Variants in RP1 observed in about 807,000 individuals in gnomAD.
RP1 encodes oxygen-regulated protein 1.
A neutral mutation model predicts 14.8 loss-of-function variants in RP1; 16 were observed. The ratio of observed to expected loss-of-function variants is 1.08; its 90% CI spans 0.73 to 1.65. The LOEUF is 1.65. Ranked by LOEUF, RP1 falls within the 40% of genes most tolerant of loss-of-function variation. The pLI is 0.00. For missense variants in RP1, 2,631 were observed against 2,535.0 expected, an observed-to-expected ratio of 1.04 and a Z score of -0.81; for synonymous variants, 876 against 883.6, an observed-to-expected ratio of 0.99 and a Z score of 0.15.
chr8:54,796,358 C>A (rs1278261736), intron 24 of RP1, among the ~76,000 whole-genome samples: 2 of 152,092 alleles, frequency 1.3e-5, no homozygotes, highest in African/African-American at 4.8e-5. Flanking sequence ...AGCAAAGAGA[C>A]AAAAGTGTTT....
intron 24 of RP1, among the ~76,000 whole-genome samples, chr8:54,804,546 T>TA (rs141428596): frequency 0.059 from 8,891 of 149,966 alleles, 810 homozygotes; most frequent in African/African-American, 0.2. Context: ...TCAAAAAGGC[T>TA]AAAAAAAAAT....
At chr8:54,670,219 T>C (rs1297356646) in intron 7 of RP1, among the ~76,000 whole-genome samples, 1 of 151,940 alleles carries the variant, frequency 6.6e-6, no homozygotes. Flanking sequence ...TGATCTCTCA[T>C]GGATAATGTT....
At chr8:54,726,882 G>C (rs987955177) in intron 17 of RP1, among the ~76,000 whole-genome samples, 1 of 151,666 alleles carries the variant, frequency 6.6e-6, no homozygotes, top group African/African-American at 2.4e-5. Flanking sequence ...AAGTGCTCTC[G>C]GTCCCAGAGG....
chr8:54,809,257 C>T (rs904283289), intron 24 of RP1, among the ~76,000 whole-genome samples: 1 of 152,140 alleles, frequency 6.6e-6, no homozygotes, highest in Non-Finnish European at 1.5e-5. Flanking sequence ...ACATGGTATG[C>T]CATCATAAAT....
intron 26 of RP1, chr8:54,856,960 A>C: frequency 2.4e-6 from 1 of 425,088 alleles, no homozygotes; most frequent in South Asian, 1.2e-4. Flanking sequence ...TATCAATAGT[A>C]ATACTATTTT....
intron 19 of RP1, among the ~76,000 whole-genome samples, chr8:54,742,692 G>A (rs571833269): frequency 2.0e-5 from 3 of 152,326 alleles, no homozygotes; most frequent in South Asian, 2.1e-4. Flanking sequence ...CATGGAACCT[G>A]CAAAGTGTAG....
chr8:54,852,694 C>T (rs1199745857), exon 26 of RP1: 1 of 1,231,900 alleles, frequency 8.1e-7, no homozygotes, highest in African/African-American at 1.6e-5. Context: ...CTTCATCAGT[C>T]CAAAAACAAT....
At chr8:54,574,319 A>G (rs1218962354) in intron 1 of RP1, among the ~76,000 whole-genome samples, 1 of 152,154 alleles carries the variant, frequency 6.6e-6, no homozygotes, top group Non-Finnish European at 1.5e-5. Flanking sequence ...AGACCCTGGT[A>G]GCAAAGGCCT....
chr8:54,752,516 C>T (rs1429283293), intron 19 of RP1, among the ~76,000 whole-genome samples: 1 of 152,220 alleles, frequency 6.6e-6, no homozygotes, highest in Non-Finnish European at 1.5e-5. Flanking sequence ...ATAGACGTTA[C>T]AAATTTTTAT....
intron 28 of RP1, among the ~76,000 whole-genome samples, chr8:54,867,452 T>A (rs563912956): frequency 6.6e-6 from 1 of 152,116 alleles, no homozygotes; most frequent in Non-Finnish European, 1.5e-5. Flanking sequence ...AAGATTGAAG[T>A]TTTTTAGCAC....
rs182350907 is a variant in RP1 at position 54,679,274 on chromosome 8, A to G, written c.1479-146A>G. 10 of 677,688 alleles carry G rather than the reference A, an allele frequency of 1.5e-5. No individual in the cohort carries two copies. The East Asian group carries it at 2.4e-4, about 17-fold the overall frequency. The allele number at this position is 677,688 out of a possible 1,614,324, so 42.0% of individuals were successfully genotyped here. On this transcript the variant is annotated intron_variant, in intron 9 of 22. Transcript: ENST00000636932. ...GAGTCATTTTAGGATTTTCTTTTCC[A>G]TTCTGTACTGCTCTGCCTTTGAGAG...
exon 29 of RP1, chr8:54,870,656 C>T (rs1482613329): frequency 1.3e-5 from 2 of 152,190 alleles, no homozygotes; most frequent in African/African-American, 4.8e-5. Context: ...AACTTGGTGC[C>T]ACAGGTGCCT....
rs1041361404 is a variant in RP1, at chr8:54,836,882, T to A, written c.3616-568T>A. Among the ~76,000 whole-genome samples the A allele has an allele frequency of 2.0e-5, 3 of 152,184 alleles. No individual in the cohort carries two copies. In the East Asian group the frequency reaches 5.8e-4, roughly 29 times the overall value. On this transcript the variant is annotated intron_variant, in intron 24 of 28. Coordinates refer to the RP1 transcript ENST00000637698. ...TCAATTTTTTTTCATATGACCCCTG[T>A]AGGAATTTTCAAAAGAAAAATATTG...
chr8:54,848,476 A>T (rs1440301408), intron 25 of RP1, among the ~76,000 whole-genome samples: 1 of 152,182 alleles, frequency 6.6e-6, no homozygotes, highest in African/African-American at 2.4e-5. Context: ...ATAGCTGCAG[A>T]TAACACAGAT....
chr8:54,730,146 C>G (rs1808758132), intron 17 of RP1, among the ~76,000 whole-genome samples: 1 of 152,010 alleles, frequency 6.6e-6, no homozygotes, highest in Admixed American at 6.6e-5. Flanking sequence ...ATCCTAATCA[C>G]TTGAAAGTAC....
chr8:54,697,253 T>C lies in RP1; in HGVS notation c.1718-2214T>C, dbSNP rs1433070324. On this transcript the variant is annotated intron_variant, in intron 12 of 22. Transcript: ENST00000636932. The stretch of plus-strand genomic sequence containing the variant: ...ATCTTCAAAAACTGGAAAGGAAGGG[T>C]CAAAAAAAAGACAGTACCTGGCCGG... 3 of 595,782 alleles carry C rather than the reference T, an allele frequency of 5.0e-6. No homozygotes were observed. The East Asian group carries it at 8.9e-5, about 18-fold the overall frequency. The allele number at this position is 595,782 out of a possible 1,614,324, so 36.9% of individuals were successfully genotyped here.
At chr8:54,681,057 T>C (rs1440008700) in intron 12 of RP1, among the ~76,000 whole-genome samples, 1 of 152,082 alleles carries the variant, frequency 6.6e-6, no homozygotes, top group East Asian at 1.9e-4. Context: ...TTTCCTTACC[T>C]CGGCAAAAAT....
chr8:54,689,889 G>T (rs538125417), intron 12 of RP1, among the ~76,000 whole-genome samples: 1 of 151,980 alleles, frequency 6.6e-6, no homozygotes, highest in Non-Finnish European at 1.5e-5. Flanking sequence ...TAAGTTTCCA[G>T]TTCCAGTTTC....
intron 1 of RP1, among the ~76,000 whole-genome samples, chr8:54,620,509 G>A (rs1404830935): frequency 1.3e-5 from 2 of 149,950 alleles, no homozygotes; most frequent in African/African-American, 5.1e-5. Flanking sequence ...GCATTTCTCA[G>A]AACTTATCCT....
Sources: gnomAD v4.1 joint callset for allele counts (sites outside exome capture counted in the v4.1 genomes callset) on GRCh38, gnomAD v4.1.1 for gene constraint, MANE v1.5 for transcripts, NCBI Gene and HGNC (gene_info 2026-07-23, HGNC 2026-07-21) for gene names.